The following SGCZ variants were observed in gnomAD, a reference collection of about 807,000 sequenced individuals.
The protein encoded by SGCZ is sarcoglycan zeta, also known as zeta-sarcoglycan.
In SGCZ, 40 loss-of-function variants were observed where a neutral mutation model predicts 41.3. The observed-to-expected ratio is 0.97, with a 90% CI of 0.75 to 1.26. The LOEUF (loss-of-function observed/expected upper bound fraction) is 1.26, where lower values mean the gene tolerates loss of function less well. SGCZ is among the 50% of genes most tolerant of loss of function. The probability of loss-of-function intolerance (pLI) is 0.00; values close to 1 mark genes in which losing one functional copy is unlikely to be tolerated. For missense variants in SGCZ, 552 were observed against 369.8 expected, an observed-to-expected ratio of 1.49 and a Z score of -4.04; for synonymous variants, 206 against 137.5, an observed-to-expected ratio of 1.50 and a Z score of -3.49.
intron 2 of SGCZ, among the ~76,000 whole-genome samples, chr8:14,464,080 T>C (rs974069594): frequency 6.6e-6 from 1 of 151,682 alleles, no homozygotes; most frequent in Non-Finnish European, 1.5e-5. Flanking sequence ...CTCTAGTTTT[T>C]GTATCTTGTA....
At chr8:15,101,556 A>T (rs56784042) in intron 1 of SGCZ, among the ~76,000 whole-genome samples, 6,330 of 152,284 alleles carry the variant, frequency 0.042, 169 homozygotes, top group Non-Finnish European at 0.058. Flanking sequence ...TAGAATGGCT[A>T]TAACTGAAAA....
intron 1 of SGCZ, among the ~76,000 whole-genome samples, chr8:15,128,849 A>C (rs908424626): frequency 1.3e-5 from 2 of 152,140 alleles, no homozygotes; most frequent in African/African-American, 2.4e-5. Context: ...AGACTGCTGA[A>C]CTTTACACAC....
intron 4 of SGCZ, among the ~76,000 whole-genome samples, chr8:14,181,866 C>G (rs1164367453): frequency 6.6e-6 from 1 of 152,140 alleles, no homozygotes; most frequent in Non-Finnish European, 1.5e-5. Flanking sequence ...GACTAATACA[C>G]CTGTTACAAT....
chr8:14,658,534 T>A (rs945078885), intron 1 of SGCZ, among the ~76,000 whole-genome samples: 1 of 152,108 alleles, frequency 6.6e-6, no homozygotes, highest in Non-Finnish European at 1.5e-5. Context: ...TGACCTGTTA[T>A]GCTTTTCCCT....
intron 2 of SGCZ, among the ~76,000 whole-genome samples, chr8:14,501,829 A>G (rs1202033873): frequency 2.0e-5 from 3 of 152,120 alleles, no homozygotes; most frequent in Admixed American, 2.0e-4. Flanking sequence ...AACATATAAT[A>G]GGATGAGGTA....
intron 2 of SGCZ, among the ~76,000 whole-genome samples, chr8:14,478,915 G>A (rs62499728): frequency 0.038 from 5,673 of 151,276 alleles, 264 homozygotes; most frequent in African/African-American, 0.11. Context: ...TCACCTTCCT[G>A]TATCTACACC....
intron 4 of SGCZ, among the ~76,000 whole-genome samples, chr8:14,174,615 A>G (rs1037227216): frequency 6.6e-6 from 1 of 152,170 alleles, no homozygotes; most frequent in Non-Finnish European, 1.5e-5. Context: ...AAAATAAAAA[A>G]GAAACAACAC....
intron 1 of SGCZ, among the ~76,000 whole-genome samples, chr8:15,004,477 GT>G (rs991772069): frequency 3.0e-4 from 46 of 152,046 alleles, no homozygotes; most frequent in African/African-American, 1.1e-3. Flanking sequence ...ACCAAAAAAG[GT>G]GGAGACTTAA....
intron 1 of SGCZ, among the ~76,000 whole-genome samples, chr8:14,896,754 G>T (rs999542854): frequency 6.6e-6 from 1 of 151,944 alleles, no homozygotes; most frequent in Non-Finnish European, 1.5e-5. Flanking sequence ...TGGGATTACA[G>T]GCGTGGGCCA....
chr8:14,323,663 T>C (rs1299118659), intron 3 of SGCZ, among the ~76,000 whole-genome samples: 5 of 152,148 alleles, frequency 3.3e-5, no homozygotes. Flanking sequence ...CAGAAATTAA[T>C]TTCTACATTA....
chr8:14,491,500 CTG>C (rs1801842014), intron 2 of SGCZ, among the ~76,000 whole-genome samples: 1 of 152,102 alleles, frequency 6.6e-6, no homozygotes, highest in Admixed American at 6.6e-5. Flanking sequence ...ACTCTCAAGA[CTG>C]TGAAGAATTT....
intron 4 of SGCZ, among the ~76,000 whole-genome samples, chr8:14,227,369 C>T (rs1399726194): frequency 6.6e-6 from 1 of 152,014 alleles, no homozygotes; most frequent in Non-Finnish European, 1.5e-5. Flanking sequence ...AGACATTAAA[C>T]AATAGACTGA....
intron 5 of SGCZ, among the ~76,000 whole-genome samples, chr8:14,143,552 G>T (rs953416022): frequency 6.6e-6 from 1 of 152,048 alleles, no homozygotes; most frequent in Non-Finnish European, 1.5e-5. Context: ...ACAAAATTCT[G>T]AAACACCATA....
At chr8:14,758,992 G>A (rs1231300474) in intron 1 of SGCZ, among the ~76,000 whole-genome samples, 2 of 145,282 alleles carry the variant, frequency 1.4e-5, no homozygotes, top group Admixed American at 6.8e-5. Flanking sequence ...TGGGCAACAG[G>A]AGTGAAACTC....
intron 4 of SGCZ, among the ~76,000 whole-genome samples, chr8:14,166,358 G>T (rs1474251190): frequency 6.6e-6 from 1 of 152,102 alleles, no homozygotes; most frequent in Non-Finnish European, 1.5e-5. Context: ...ATTTGAGTGT[G>T]ATTTGTTCTA....
intron 2 of SGCZ, among the ~76,000 whole-genome samples, chr8:14,357,923 T>A (rs1453524686): frequency 2.6e-5 from 4 of 152,184 alleles, no homozygotes. Flanking sequence ...TTTTCCCCAG[T>A]GATTCCATGA....
At chr8:14,672,257 A>T (rs1251142003) in intron 1 of SGCZ, among the ~76,000 whole-genome samples, 1 of 152,162 alleles carries the variant, frequency 6.6e-6, no homozygotes, top group African/African-American at 2.4e-5. Flanking sequence ...TAATTATTAA[A>T]ATGTTCAATA....
chr8:14,346,619 C>T (rs1388444281), intron 2 of SGCZ, among the ~76,000 whole-genome samples: 1 of 151,750 alleles, frequency 6.6e-6, no homozygotes, highest in Non-Finnish European at 1.5e-5. Context: ...TTTATCTTAT[C>T]ACAAAATAAA....
chr8:15,045,439 C>T (rs745880640), intron 1 of SGCZ, among the ~76,000 whole-genome samples: 1 of 152,012 alleles, frequency 6.6e-6, no homozygotes, highest in Non-Finnish European at 1.5e-5. Context: ...TATTTTTAGA[C>T]CTGAGTTAAA....
Sources: allele counts gnomAD v4.1 joint callset (sites outside exome capture counted in the v4.1 genomes callset), GRCh38; gene constraint gnomAD v4.1.1; transcripts MANE v1.5; gene names NCBI Gene and HGNC (gene_info 2026-07-23, HGNC 2026-07-21).